Variants in STAM2 observed in about 807,000 individuals in gnomAD.
STAM2 encodes the protein signal transducing adapter molecule 2.
Under a neutral mutation model 65.6 loss-of-function variants are expected in STAM2, and 51 were observed. That is an observed-to-expected ratio of 0.78 (90% CI 0.62 to 0.98). The LOEUF (loss-of-function observed/expected upper bound fraction) is 0.98. STAM2 is among the 50% of genes least tolerant of loss of function. STAM2 has a pLI of 0.00. For missense variants in STAM2, 584 were observed against 617.8 expected (o/e 0.95, Z 0.58); for synonymous variants, 198 against 208.4 (o/e 0.95, Z 0.43).
At position 152,126,383 on chromosome 2, in the gene STAM2, A is replaced by G; in HGVS notation, c.1026-4T>C. On this transcript the variant is annotated splice_polypyrimidine_tract_variant and splice_region_variant and intron_variant, in intron 11 of 13. Coordinates refer to ENST00000263904, the MANE Select transcript of STAM2 (RefSeq NM_005843.6). ...TTCAGACAATTCTGAATGCTTCCTG[A>G]TGTAGAAGAAAAGTATTATAATACT... 6.5e-7 allele frequency: 1 copy of G among 1,529,498 alleles called. No individual in the cohort carries two copies. Among genetic ancestry groups the G allele is most frequent in the Non-Finnish European group, 8.8e-7 (1 of 1,140,156 alleles). 94.7% of individuals were successfully genotyped at this position (1,529,498 alleles called of 1,614,324 possible). A position where few individuals can be genotyped will look rare whatever the true frequency, so the allele number is the denominator to read the frequency against.
At chr2:152,175,225 C>T (rs1339166418) in intron 1 of STAM2, among the ~76,000 whole-genome samples, 1 of 152,204 alleles carries the variant, frequency 6.6e-6, no homozygotes, top group Non-Finnish European at 1.5e-5. Flanking sequence ...GCTGCATCAT[C>T]TTCAGAAAAC....
intron 7 of STAM2, among the ~76,000 whole-genome samples, chr2:152,137,969 C>G (rs1040412718): frequency 6.6e-6 from 1 of 152,140 alleles, no homozygotes; most frequent in Non-Finnish European, 1.5e-5. Flanking sequence ...GTCCATGTAT[C>G]TGTTCACACA....
At chr2:152,140,703 A>C (rs1689230119) in intron 7 of STAM2, among the ~76,000 whole-genome samples, 2 of 152,306 alleles carry the variant, frequency 1.3e-5, no homozygotes, top group South Asian at 2.1e-4. Context: ...TTCCTTTTCT[A>C]AATGCTTTTA....
At position 152,129,058 on chromosome 2, in the gene STAM2, G is replaced by C. The variant is rs551226374; in HGVS notation, c.1026-2679C>G. Among the ~76,000 whole-genome samples the C allele has an allele frequency of 2.2e-4, 33 of 152,294 alleles. No homozygotes were observed. In the South Asian group the frequency reaches 3.3e-3, roughly 15 times the overall value. Reference sequence around the variant, plus strand: ...ATAGAACAAGAAAAAATGCCAGTTGGCCTATTCAAAAACTGAAACTGGTAA... The same window carrying C: ...ATAGAACAAGAAAAAATGCCAGTTGCCCTATTCAAAAACTGAAACTGGTAA... On this transcript the variant is annotated intron_variant, in intron 11 of 13. Transcript: ENST00000263904.
intron 1 of STAM2, among the ~76,000 whole-genome samples, chr2:152,157,700 A>C (rs1689579293): frequency 6.6e-6 from 1 of 152,264 alleles, no homozygotes; most frequent in Non-Finnish European, 1.5e-5. Context: ...AAGCAGGCTC[A>C]TTAACACTGT....
At chr2:152,172,526 T>C (rs1176341455) in intron 1 of STAM2, among the ~76,000 whole-genome samples, 1 of 152,054 alleles carries the variant, frequency 6.6e-6, no homozygotes, top group Non-Finnish European at 1.5e-5. Flanking sequence ...GACCATATCA[T>C]ACATTAGCAA....
At chr2:152,153,856 C>T (rs1689489619) in intron 1 of STAM2, among the ~76,000 whole-genome samples, 1 of 149,408 alleles carries the variant, frequency 6.7e-6, no homozygotes, top group African/African-American at 2.5e-5. Context: ...CCTTTTAAAA[C>T]TATGATGCAT....
At chr2:152,149,522 G>C (rs562568098) in intron 2 of STAM2, among the ~76,000 whole-genome samples, 1 of 137,052 alleles carries the variant, frequency 7.3e-6, no homozygotes, top group Non-Finnish European at 1.5e-5. Flanking sequence ...TTTTGAGACA[G>C]AGTCTCGCTC....
At chr2:152,137,009 C>CA (rs1267741609) in intron 7 of STAM2, among the ~76,000 whole-genome samples, 2 of 150,286 alleles carry the variant, frequency 1.3e-5, no homozygotes, top group Non-Finnish European at 2.9e-5. Context: ...ATTCTCCTGT[C>CA]ACGGTCTCCC....
chr2:152,138,304 T>G (rs1405094149), intron 7 of STAM2, among the ~76,000 whole-genome samples: 1 of 152,134 alleles, frequency 6.6e-6, no homozygotes, highest in African/African-American at 2.4e-5. Context: ...ATAAAGACCT[T>G]ACATATCTTT....
At position 152,171,418 on chromosome 2, in the gene STAM2, A is replaced by C. The variant is rs1044829036; in HGVS notation, c.40+4185T>G. Among the ~76,000 whole-genome samples, 9 of 90,984 alleles carry C rather than the reference A, an allele frequency of 9.9e-5. No homozygotes were observed. The East Asian group carries it at 6.2e-3, about 63-fold the overall frequency. The allele number at this position is 90,984 out of a possible 152,430, so 59.7% of individuals were successfully genotyped here. A position where few individuals can be genotyped will look rare whatever the true frequency, so the allele number is the denominator to read the frequency against. ...CAAAACCAAAAAACTTTTTAAAAAA[A>C]TTTTTACTTTTACAAAGATTTTAAC... On this transcript the variant is annotated intron_variant, in intron 1 of 13. Transcript: ENST00000263904.
intron 1 of STAM2, among the ~76,000 whole-genome samples, chr2:152,157,776 G>GA (rs1689580236): frequency 6.6e-6 from 1 of 152,206 alleles, no homozygotes; most frequent in South Asian, 2.1e-4. Flanking sequence ...ACCTTAGGAG[G>GA]AAAAGCCCTC....
At chr2:152,148,173 A>G in intron 3 of STAM2, 51 bp from the exon 4 acceptor site, 1 of 1,592,560 alleles carries the variant, frequency 6.3e-7, no homozygotes, top group Non-Finnish European at 8.6e-7. Flanking sequence ...ACTTACTGTA[A>G]TTAAAAACAC....
intron 7 of STAM2, among the ~76,000 whole-genome samples, chr2:152,137,032 C>G (rs1369860624): frequency 6.6e-6 from 1 of 151,628 alleles, no homozygotes; most frequent in East Asian, 1.9e-4. Flanking sequence ...GTAGCTGGGA[C>G]TACAGGTATG....
At chr2:152,123,720 T>C (rs1346715839) in intron 13 of STAM2, 46 bp downstream of exon 13, 1 of 1,571,534 alleles carries the variant, frequency 6.4e-7, no homozygotes. Context: ...TCTGAAAATC[T>C]AGGAAAATTA....
At chr2:152,124,890 T>G (rs114410504) in intron 12 of STAM2, among the ~76,000 whole-genome samples, 108 of 152,338 alleles carry the variant, frequency 7.1e-4, no homozygotes, top group Non-Finnish European at 1.4e-3. Flanking sequence ...TTACCCCAAC[T>G]GCTTCTAGTA....
rs374793296 is a variant in STAM2 at position 152,158,715 on chromosome 2, A to G, written c.41-8486T>C. ...CGTAAAGAACAGAAATTTATTTCTC[A>G]CAGTTCTGGAGGCTGGAAAATCGAA... On this transcript the variant is annotated intron_variant, in intron 1 of 13. Transcript: ENST00000263904. 1.3e-4 allele frequency among the ~76,000 whole-genome samples: 20 copies of G among 152,302 alleles called. No individual in the cohort carries two copies. In the East Asian group the frequency reaches 3.1e-3, roughly 24 times the overall value.
chr2:152,166,369 TAAC>T (rs1689785741), intron 1 of STAM2, among the ~76,000 whole-genome samples: 1 of 151,914 alleles, frequency 6.6e-6, no homozygotes, highest in African/African-American at 2.4e-5. Context: ...AGGAAAAAAA[TAAC>T]AAGAGATAAA....
At chr2:152,174,007 C>T (rs1689958968) in intron 1 of STAM2, among the ~76,000 whole-genome samples, 1 of 152,032 alleles carries the variant, frequency 6.6e-6, no homozygotes, top group Non-Finnish European at 1.5e-5. Flanking sequence ...TTTTTTTAAT[C>T]TCAACAGCAG....
Sources: allele counts gnomAD v4.1 joint callset (sites outside exome capture counted in the v4.1 genomes callset), GRCh38; gene constraint gnomAD v4.1.1; transcripts MANE v1.5; gene names NCBI Gene and HGNC (gene_info 2026-07-23, HGNC 2026-07-21).